The following FREM2 variants were observed in gnomAD, a reference collection of about 807,000 sequenced individuals.
FREM2 encodes FRAS1 related extracellular matrix 2, also known as FRAS1-related extracellular matrix protein 2.
Under a neutral mutation model 219.9 loss-of-function variants are expected in FREM2, and 119 were observed. That is an observed-to-expected ratio of 0.54 (90% CI 0.47 to 0.63). FREM2 has a LOEUF of 0.63. Ranked by LOEUF, FREM2 falls within the 30% of genes least tolerant of loss-of-function variation. The pLI is 0.00. For synonymous variants in FREM2, 1,562 were observed against 1,522.8 expected (o/e 1.03, Z -0.60); for missense variants, 4,030 against 3,993.6 (o/e 1.01, Z -0.25).
At chr13:38,857,710 C>CT (rs1877612203) in intron 12 of FREM2, among the ~76,000 whole-genome samples, 165 bp from the exon 13 acceptor site, 1 of 152,192 alleles carries the variant, frequency 6.6e-6, no homozygotes, top group Non-Finnish European at 1.5e-5. Context: ...AGGTCATGTG[C>CT]TGCAGGCCAC....
chr13:38,813,480 C>A (rs1436281378), intron 6 of FREM2, among the ~76,000 whole-genome samples: 2 of 10,678 alleles, frequency 1.9e-4, no homozygotes, highest in Non-Finnish European at 3.8e-4. Flanking sequence ...CTCTCTCTCT[C>A]TCTCTCTCTC....
At chr13:38,761,622 T>C (rs1248957024) in intron 2 of FREM2, among the ~76,000 whole-genome samples, 1 of 152,136 alleles carries the variant, frequency 6.6e-6, no homozygotes, top group Non-Finnish European at 1.5e-5. Flanking sequence ...TATGAGAGGA[T>C]ACCCACTAAA....
intron 6 of FREM2, among the ~76,000 whole-genome samples, chr13:38,787,863 A>G (rs1230872044): frequency 6.6e-6 from 1 of 151,966 alleles, no homozygotes; most frequent in Non-Finnish European, 1.5e-5. Context: ...CAGAATAAGG[A>G]AAAGAAGAAA....
chr13:38,849,344 T>G (rs1201598357), intron 8 of FREM2, among the ~76,000 whole-genome samples: 1 of 152,204 alleles, frequency 6.6e-6, no homozygotes, highest in East Asian at 1.9e-4. Flanking sequence ...TGGAACCATG[T>G]GGAACTGCAC....
chr13:38,803,751 G>A (rs1482793204), intron 6 of FREM2, among the ~76,000 whole-genome samples: 1 of 149,164 alleles, frequency 6.7e-6, no homozygotes, highest in African/African-American at 2.5e-5. Flanking sequence ...TACCATACTA[G>A]ATATAAGCCA....
At chr13:38,733,274 A>C (rs1327167369) in intron 2 of FREM2, among the ~76,000 whole-genome samples, 2 of 151,326 alleles carry the variant, frequency 1.3e-5, no homozygotes, top group African/African-American at 4.9e-5. Flanking sequence ...GGAAGTAGAT[A>C]GTAGGAACAG....
chr13:38,747,497 T>A (rs1872534796), intron 2 of FREM2, among the ~76,000 whole-genome samples: 5 of 146,668 alleles, frequency 3.4e-5, no homozygotes, highest in Non-Finnish European at 6.0e-5. Flanking sequence ...TATACACAAA[T>A]ACACACACAC....
chr13:38,758,350 A>G lies in FREM2; in HGVS notation c.5264-5954A>G, dbSNP rs551664292. Among the ~76,000 whole-genome samples the G allele has an allele frequency of 3.3e-5, 5 of 152,344 alleles. No individual in the cohort carries two copies. The South Asian group carries it at 1.0e-3, about 32-fold the overall frequency. ...TTCCCCTCCATCTCTCTGAATGTCTAAATACCACCCTGTACTTAAGCCCCC... is the reference window on the plus strand; with the variant it reads ...TTCCCCTCCATCTCTCTGAATGTCTGAATACCACCCTGTACTTAAGCCCCC... On this transcript the variant is annotated intron_variant, in intron 2 of 23. Transcript: ENST00000280481.
At position 38,689,557 on chromosome 13, in the gene FREM2, T is replaced by G; in HGVS notation, c.2213T>G (p.Leu738Arg). Residue 738 changes from leucine to arginine, a missense_variant, in exon 1 of 24, where the codon CTA becomes CGA. Around this residue, in one of 2 missense-constraint regions of FREM2, gnomAD observed 3,102 missense variants for 2,950.7 expected, o/e 1.05. Coordinates refer to ENST00000280481, the MANE Select transcript of FREM2 (RefSeq NM_207361.6). ...YTDLDTDDRE[L>R]RYTVTQPPTD... The stretch of plus-strand genomic sequence containing the variant: ...GACCTGGACACAGATGACCGAGAAC[T>G]ACGTTACACAGTGACTCAGCCCCCC... 3 of 1,613,246 alleles carry G rather than the reference T, an allele frequency of 1.9e-6. No individual in the cohort carries two copies. The highest frequency in any genetic ancestry group is 2.5e-6 in the Non-Finnish European group (3 of 1,179,446).
chr13:38,858,941 A>G (rs1462970845), intron 13 of FREM2, among the ~76,000 whole-genome samples: 1 of 141,468 alleles, frequency 7.1e-6, no homozygotes, highest in African/African-American at 2.5e-5. Context: ...GAATCAGCCG[A>G]GTTCATGACT....
chr13:38,724,974 G>GA (rs1168301375), intron 2 of FREM2, among the ~76,000 whole-genome samples: 1 of 152,136 alleles, frequency 6.6e-6, no homozygotes, highest in African/African-American at 2.4e-5. Flanking sequence ...TGTTGCTAGG[G>GA]AAAAAGGAAA....
intron 2 of FREM2, among the ~76,000 whole-genome samples, chr13:38,722,197 G>A (rs973275912): frequency 6.6e-6 from 1 of 151,668 alleles, no homozygotes; most frequent in Non-Finnish European, 1.5e-5. Flanking sequence ...ATAGAGATAG[G>A]GTCTATGTTA....
intron 20 of FREM2, 114 bp from the exon 21 acceptor site, chr13:38,877,003 C>G (rs981869463): frequency 6.5e-6 from 8 of 1,233,580 alleles, no homozygotes; most frequent in Non-Finnish European, 9.5e-6. Flanking sequence ...GTGAAAATTG[C>G]GATGCAGTGT....
At position 38,856,209 on chromosome 13, in the gene FREM2, T is replaced by C; in HGVS notation, c.7009T>C (p.Phe2337Leu). ...FDGVREMREA[F>L]TVHLKPDENM... is the part of the protein sequence containing the mutation. ...CGGGGTGAGAGAGATGAGAGAGGCC[T>C]TCACTGTTCACCTAAAACCTGATGA... Residue 2337 changes from phenylalanine to leucine, a missense_variant, in exon 12 of 24, where the codon TTC becomes CTC. Physicochemically the swap from Phe to Leu is conservative, Grantham distance 22. Around this residue, in one of 2 missense-constraint regions of FREM2, gnomAD observed 3,102 missense variants for 2,950.7 expected, o/e 1.05. Transcript: ENST00000280481. The C allele has an allele frequency of 1.9e-6, 3 of 1,612,374 alleles. No homozygotes were observed. The highest frequency in any genetic ancestry group is 2.5e-6 in the Non-Finnish European group (3 of 1,178,544).
intron 23 of FREM2, among the ~76,000 whole-genome samples, chr13:38,879,423 C>T (rs1894104): frequency 0.33 from 50,372 of 151,956 alleles, 8,996 homozygotes; most frequent in East Asian, 0.46. Flanking sequence ...TTGTGCACAG[C>T]TCCACTCTCA....
chr13:38,866,728 T>TAG (rs1453890319), intron 16 of FREM2, among the ~76,000 whole-genome samples: 2 of 152,112 alleles, frequency 1.3e-5, no homozygotes, highest in African/African-American at 4.8e-5. Context: ...TCATCTAGTT[T>TAG]ATAGTCTGTT....
chr13:38,705,328 G>C (rs575267173), intron 2 of FREM2, among the ~76,000 whole-genome samples: 2 of 152,194 alleles, frequency 1.3e-5, no homozygotes, highest in Non-Finnish European at 2.9e-5. Flanking sequence ...GCAGAGAATG[G>C]TGCTGCCATT....
chr13:38,861,606 C>T, intron 15 of FREM2, 44 bp downstream of exon 15: 1 of 1,599,008 alleles, frequency 6.3e-7, no homozygotes, highest in South Asian at 1.1e-5. Context: ...GTTTTGGACT[C>T]CTCATTACCT....
intron 2 of FREM2, among the ~76,000 whole-genome samples, chr13:38,716,915 A>G (rs1212636577): frequency 3.3e-5 from 5 of 152,114 alleles, no homozygotes; most frequent in Non-Finnish European, 7.4e-5. Flanking sequence ...TGTCCTTTTT[A>G]TTTTTTCCCA....
Sources: gnomAD v4.1 joint callset for allele counts (sites outside exome capture counted in the v4.1 genomes callset) on GRCh38, gnomAD v4.1.1 for gene constraint, gnomAD v4.1.1 regional missense constraint, MANE v1.5 for transcripts, NCBI Gene and HGNC (gene_info 2026-07-23, HGNC 2026-07-21) for gene names.